Variants in DIAPH3 observed in about 807,000 individuals in gnomAD.
DIAPH3 encodes diaphanous related formin 3, also known as protein diaphanous homolog 3.
A neutral mutation model predicts 144.3 loss-of-function variants in DIAPH3; 117 were observed. The ratio of observed to expected loss-of-function variants is 0.81; its 90% confidence interval spans 0.70 to 0.95. The LOEUF (loss-of-function observed/expected upper bound fraction) is 0.95. Ranked by LOEUF, DIAPH3 falls within the 40% of genes least tolerant of loss-of-function variation. DIAPH3 has a pLI of 0.00. For synonymous variants in DIAPH3, 519 were observed against 488.9 expected, an observed-to-expected ratio of 1.06 and a Z score of -0.81; for missense variants, 1,421 against 1,412.7, an observed-to-expected ratio of 1.01 and a Z score of -0.09.
intron 25 of DIAPH3, among the ~76,000 whole-genome samples, chr13:59,791,927 A>G (rs2039348458): frequency 6.6e-6 from 1 of 152,156 alleles, no homozygotes; most frequent in Non-Finnish European, 1.5e-5. Flanking sequence ...CAACCTAGCC[A>G]CTGGGGATTG....
At chr13:60,160,591 G>T (rs2138482625) in intron 1 of DIAPH3, among the ~76,000 whole-genome samples, 1 of 152,314 alleles carries the variant, frequency 6.6e-6, no homozygotes, top group African/African-American at 2.4e-5. Flanking sequence ...ATAGGACTCA[G>T]GTCCAGGTAT....
At chr13:60,080,494 A>G (rs1373557545) in intron 4 of DIAPH3, among the ~76,000 whole-genome samples, 3 of 151,930 alleles carry the variant, frequency 2.0e-5, no homozygotes, top group African/African-American at 7.2e-5. Context: ...TAAAATAATA[A>G]TTAGAAAACT....
intron 1 of DIAPH3, among the ~76,000 whole-genome samples, chr13:60,152,334 C>A (rs1030852863): frequency 5.3e-5 from 8 of 152,132 alleles, no homozygotes; most frequent in Non-Finnish European, 8.8e-5. Context: ...TATCCCACAT[C>A]CCTCAGCACA....
chr13:60,089,165 C>A (rs1404619012), intron 4 of DIAPH3, among the ~76,000 whole-genome samples: 1 of 152,118 alleles, frequency 6.6e-6, no homozygotes, highest in Non-Finnish European at 1.5e-5. Flanking sequence ...CATTAATAAA[C>A]ACTTCTATCA....
chr13:59,900,445 C>T (rs1046268136), intron 20 of DIAPH3, among the ~76,000 whole-genome samples: 3 of 152,114 alleles, frequency 2.0e-5, no homozygotes, highest in Admixed American at 6.5e-5. Context: ...CCCTCTCACC[C>T]CAACTCATGG....
chr13:60,133,275 C>G (rs537309212), intron 1 of DIAPH3, among the ~76,000 whole-genome samples: 12 of 151,846 alleles, frequency 7.9e-5, no homozygotes, highest in Non-Finnish European at 1.8e-4. Flanking sequence ...TCCCAATTAA[C>G]AGTATTAATT....
At chr13:59,741,796 T>C (rs1461408229) in intron 27 of DIAPH3, among the ~76,000 whole-genome samples, 1 of 149,408 alleles carries the variant, frequency 6.7e-6, no homozygotes, top group East Asian at 2.0e-4. Context: ...TAAACAACTG[T>C]ATCATCTTAA....
intron 20 of DIAPH3, among the ~76,000 whole-genome samples, chr13:59,885,780 A>G (rs142480910): frequency 1.2e-3 from 182 of 152,282 alleles, no homozygotes; most frequent in African/African-American, 4.1e-3. Flanking sequence ...CTGGAGTGAT[A>G]CATCTACCCA....
intron 12 of DIAPH3, among the ~76,000 whole-genome samples, chr13:59,988,758 A>G (rs1343468110): frequency 6.6e-6 from 1 of 151,892 alleles, no homozygotes; most frequent in Non-Finnish European, 1.5e-5. Context: ...GGTATTGTTA[A>G]CAAATATCAG....
chr13:59,831,098 C>A (rs565250865), intron 24 of DIAPH3, among the ~76,000 whole-genome samples: 98 of 151,812 alleles, frequency 6.5e-4, no homozygotes, highest in Non-Finnish European at 9.7e-4. Context: ...TGTGCCTCAG[C>A]TTCTTTATCT....
At position 59,947,658 on chromosome 13, in the gene DIAPH3, C is replaced by T. The variant is rs1023662063; in HGVS notation, c.2074+22286G>A. 2.6e-5 allele frequency among the ~76,000 whole-genome samples: 4 copies of T among 151,612 alleles called. No homozygotes were observed. In the East Asian group the frequency reaches 5.8e-4, roughly 22 times the overall value. On this transcript the variant is annotated intron_variant, in intron 17 of 27. Coordinates refer to ENST00000400324, the MANE Select transcript of DIAPH3 (RefSeq NM_001042517.2). Reference sequence around the variant, plus strand: ...GGTGGGAGGATCATCACTTGAGCCCCGGATGCGGAGGATGCAGTGAACTGA... The same window carrying T: ...GGTGGGAGGATCATCACTTGAGCCCTGGATGCGGAGGATGCAGTGAACTGA...
At chr13:59,833,061 T>C (rs775411792) in intron 24 of DIAPH3, 46 bp downstream of exon 24, 3 of 1,384,062 alleles carry the variant, frequency 2.2e-6, no homozygotes, top group Non-Finnish European at 3.0e-6. Flanking sequence ...ATAGATAAGA[T>C]AGTATAAATA....
At chr13:59,683,136 C>T (rs1023203544) in intron 27 of DIAPH3, among the ~76,000 whole-genome samples, 1 of 152,112 alleles carries the variant, frequency 6.6e-6, no homozygotes, top group African/African-American at 2.4e-5. Context: ...AGACACAGTC[C>T]CTGCCTTCAG....
chr13:59,765,844 T>C (rs1307309437), intron 27 of DIAPH3, among the ~76,000 whole-genome samples: 1 of 152,206 alleles, frequency 6.6e-6, no homozygotes, highest in Non-Finnish European at 1.5e-5. Context: ...ATAAATCCAA[T>C]GGTATCTTAT....
chr13:59,765,104 T>C (rs1029535267), intron 27 of DIAPH3, among the ~76,000 whole-genome samples: 5 of 152,210 alleles, frequency 3.3e-5, no homozygotes, highest in African/African-American at 1.2e-4. Context: ...TAAAAACATC[T>C]TTATTATTCT....
intron 25 of DIAPH3, among the ~76,000 whole-genome samples, chr13:59,788,299 G>A (rs948841319): frequency 9.9e-5 from 15 of 152,004 alleles, no homozygotes; most frequent in Admixed American, 2.0e-4. Flanking sequence ...CAATCACTTC[G>A]GAATATAATT....
intron 20 of DIAPH3, among the ~76,000 whole-genome samples, chr13:59,881,152 ATATAT>A (rs145661054): frequency 0.021 from 3,161 of 152,080 alleles, 122 homozygotes; most frequent in African/African-American, 0.073. Flanking sequence ...TTGTCTTAAA[ATATAT>A]TATATTTTAA....
At chr13:60,072,912 T>C (rs1339964193) in intron 4 of DIAPH3, among the ~76,000 whole-genome samples, 2 of 152,206 alleles carry the variant, frequency 1.3e-5, no homozygotes, top group Non-Finnish European at 2.9e-5. Flanking sequence ...TAACCAAAAA[T>C]ATTAACAATA....
chr13:59,972,856 G>A (rs1381878465), intron 15 of DIAPH3, among the ~76,000 whole-genome samples: 1 of 151,432 alleles, frequency 6.6e-6, no homozygotes, highest in Non-Finnish European at 1.5e-5. Context: ...GTTGTGAAGA[G>A]ACTACGGGAG....
Sources: gnomAD v4.1 joint callset for allele counts (sites outside exome capture counted in the v4.1 genomes callset) on GRCh38, gnomAD v4.1.1 for gene constraint, MANE v1.5 for transcripts, NCBI Gene and HGNC (gene_info 2026-07-23, HGNC 2026-07-21) for gene names.